Variants in MACROD2 observed in about 807,000 individuals in gnomAD.
The protein encoded by MACROD2 is ADP-ribose glycohydrolase MACROD2.
Under a neutral mutation model 70.4 loss-of-function variants are expected in MACROD2, and 36 were observed. The ratio of observed to expected loss-of-function variants is 0.51; its 90% CI spans 0.39 to 0.68. The LOEUF (loss-of-function observed/expected upper bound fraction) is 0.68, where lower values mean the gene tolerates loss of function less well. MACROD2 is among the 30% of genes least tolerant of loss of function. The probability of loss-of-function intolerance (pLI) is 0.00; values close to 1 mark genes in which losing one functional copy is unlikely to be tolerated. For synonymous variants in MACROD2, 172 were observed against 178.8 expected (o/e 0.96, Z 0.30); for missense variants, 496 against 538.4 (o/e 0.92, Z 0.78).
chr20:14,948,379 C>T (rs1318169330), intron 5 of MACROD2, among the ~76,000 whole-genome samples: 1 of 152,196 alleles, frequency 6.6e-6, no homozygotes, highest in Non-Finnish European at 1.5e-5. Flanking sequence ...GCTGTGGACC[C>T]TCATCAAATA....
intron 5 of MACROD2, among the ~76,000 whole-genome samples, chr20:14,794,738 G>T (rs889602291): frequency 6.6e-6 from 1 of 152,078 alleles, no homozygotes; most frequent in African/African-American, 2.4e-5. Flanking sequence ...GTTTACTGGG[G>T]TCTTATAAGT....
At chr20:14,408,500 G>A in intron 3 of MACROD2, among the ~76,000 whole-genome samples, 1 of 152,092 alleles carries the variant, frequency 6.6e-6, no homozygotes, top group East Asian at 1.9e-4. Flanking sequence ...TTTGAGATAA[G>A]ACTAGAAATG....
intron 3 of MACROD2, among the ~76,000 whole-genome samples, chr20:14,130,194 A>T (rs2054699857): frequency 1.3e-5 from 2 of 152,300 alleles, no homozygotes; most frequent in East Asian, 1.9e-4. Flanking sequence ...GAAAATTGAT[A>T]AAAAATATGT....
intron 15 of MACROD2, among the ~76,000 whole-genome samples, chr20:16,017,609 C>T (rs1372623064): frequency 6.6e-6 from 1 of 152,210 alleles, no homozygotes; most frequent in African/African-American, 2.4e-5. Flanking sequence ...TCACAATGGT[C>T]TCTTTTCACC....
At chr20:14,487,480 A>G (rs1482003664) in intron 3 of MACROD2, among the ~76,000 whole-genome samples, 2 of 152,198 alleles carry the variant, frequency 1.3e-5, no homozygotes. Context: ...CTGCTTGGCT[A>G]CATCGTGGCA....
chr20:14,039,639 CT>C (rs2053362241), intron 2 of MACROD2, among the ~76,000 whole-genome samples: 2 of 151,992 alleles, frequency 1.3e-5, no homozygotes, highest in African/African-American at 4.8e-5. Context: ...GTGATAGATA[CT>C]TAGTTTTTTA....
chr20:14,433,552 T>C (rs968092690), intron 3 of MACROD2, among the ~76,000 whole-genome samples: 1 of 152,150 alleles, frequency 6.6e-6, no homozygotes, highest in Non-Finnish European at 1.5e-5. Context: ...TAAAATTCAA[T>C]CTTCATCAGA....
At position 15,063,733 on chromosome 20, in the gene MACROD2, A is replaced by G. The variant is rs571558468; in HGVS notation, c.419-166207A>G. On this transcript the variant is annotated intron_variant, in intron 5 of 17. Transcript: ENST00000684519. The stretch of plus-strand genomic sequence containing the variant: ...TAGAAAATGCTACCTGCATGGGTTG[A>G]CAATTTGATGTTTCCTACCTTATGC... Among the ~76,000 whole-genome samples, 7 of 152,288 alleles carry G rather than the reference A, an allele frequency of 4.6e-5. No homozygotes were observed. The East Asian group carries it at 1.4e-3, about 29-fold the overall frequency.
intron 5 of MACROD2, among the ~76,000 whole-genome samples, chr20:15,142,977 T>G (rs1443999448): frequency 6.6e-6 from 1 of 152,118 alleles, no homozygotes; most frequent in Non-Finnish European, 1.5e-5. Context: ...AACATATGTG[T>G]GCATGTGTCT....
intron 6 of MACROD2, among the ~76,000 whole-genome samples, chr20:15,323,561 T>A (rs1273661906): frequency 6.6e-6 from 1 of 152,138 alleles, no homozygotes; most frequent in African/African-American, 2.4e-5. Context: ...TGCAAATATT[T>A]CTTATCTTGG....
chr20:15,662,479 T>C (rs1210519727), intron 8 of MACROD2, among the ~76,000 whole-genome samples: 1 of 152,196 alleles, frequency 6.6e-6, no homozygotes, highest in East Asian at 1.9e-4. Context: ...AAATGAATAA[T>C]AAACAAAAAC....
In MACROD2 at chr20:14,717,353, T is replaced by G. The variant is rs6034017; in HGVS notation, c.418+32394T>G. 5.7e-3 allele frequency among the ~76,000 whole-genome samples: 872 copies of G among 152,314 alleles called. 6 individuals carry two copies. Among genetic ancestry groups the G allele is most frequent in the African/African-American group, 0.02 (834 of 41,562 alleles). On this transcript the variant is annotated intron_variant, in intron 5 of 17. Coordinates refer to ENST00000684519, the MANE Select transcript of MACROD2 (RefSeq NM_001351661.2). ...GAGGACACTGTGTGTGTGTTGAGAA[T>G]GAAACCGAATGTGGGTGGTAAGAGG...
At chr20:15,601,461 C>CAA (rs112077865) in intron 8 of MACROD2, among the ~76,000 whole-genome samples, 1 of 148,944 alleles carries the variant, frequency 6.7e-6, no homozygotes, top group East Asian at 2.0e-4. Context: ...CACCTTCATG[C>CAA]AAAAAAAAAG....
At position 15,708,574 on chromosome 20, in the gene MACROD2, T is replaced by C. The variant is rs2050572809; in HGVS notation, c.646-154171T>C. On this transcript the variant is annotated intron_variant, in intron 8 of 17. Transcript: ENST00000684519. The stretch of plus-strand genomic sequence containing the variant: ...CACCAGAGAGGGAGCCAGACCCTGT[T>C]CAATAATGCCTCGACTTGAGCCCAG... Among the ~76,000 whole-genome samples the C allele has an allele frequency of 2.0e-5, 3 of 152,142 alleles. No homozygotes were observed. The South Asian group carries it at 6.2e-4, about 31-fold the overall frequency.
chr20:14,696,638 A>G (rs531485993), intron 5 of MACROD2, among the ~76,000 whole-genome samples: 1 of 152,118 alleles, frequency 6.6e-6, no homozygotes, highest in South Asian at 2.1e-4. Context: ...TGACATTTTC[A>G]GGAAAGATTT....
At chr20:15,419,319 G>A (rs538010736) in intron 6 of MACROD2, among the ~76,000 whole-genome samples, 8 of 152,246 alleles carry the variant, frequency 5.3e-5, no homozygotes, top group Admixed American at 2.6e-4. Flanking sequence ...TTTGATTCCC[G>A]AGCTCTATGT....
In MACROD2 at chr20:14,085,693, T is replaced by C; in HGVS notation, c.236T>C (p.Ile79Thr). 6.4e-7 allele frequency: 1 copy of C among 1,568,758 alleles called. No homozygotes were observed. Among genetic ancestry groups the C allele is most frequent in the Non-Finnish European group, 8.6e-7 (1 of 1,156,592 alleles). ...AAAGTTTCTCTCTATAGAGGTGACA[T>C]CACATTGCTAGAGGTAGATGCTATA... ...TEKVSLYRGD[I>T]TLLEVDAIVN... The change falls in exon 3 of 18, where the codon ATC becomes ACC. Residue 79 changes from isoleucine to threonine, a missense_variant. Transcript: ENST00000684519.
At chr20:15,884,716 A>G (rs1289626652) in intron 9 of MACROD2, among the ~76,000 whole-genome samples, 2 of 152,194 alleles carry the variant, frequency 1.3e-5, no homozygotes, top group Non-Finnish European at 2.9e-5. Flanking sequence ...ACAGGAGAAG[A>G]TTTGGCGCTA....
In MACROD2 at chr20:15,312,620, T is replaced by G. The variant is rs528666295; in HGVS notation, c.540+82559T>G. ...TTCTGTTTACATAAATTAAAGGAAA[T>G]GTATGTTGTGTATGTATTTTTTCAT... On this transcript the variant is annotated intron_variant, in intron 6 of 17. Transcript: ENST00000684519. 2.0e-5 allele frequency among the ~76,000 whole-genome samples: 3 copies of G among 152,258 alleles called. No individual in the cohort carries two copies. The East Asian group carries it at 5.8e-4, about 29-fold the overall frequency.
Sources: gnomAD v4.1 joint callset for allele counts (sites outside exome capture counted in the v4.1 genomes callset) on GRCh38, gnomAD v4.1.1 for gene constraint, MANE v1.5 for transcripts, NCBI Gene and HGNC (gene_info 2026-07-23, HGNC 2026-07-21) for gene names.